The following COL25A1 variants were observed in gnomAD, a reference collection of about 807,000 sequenced individuals.
COL25A1 encodes collagen type XXV alpha 1 chain.
Under a neutral mutation model 128.4 loss-of-function variants are expected in COL25A1, and 103 were observed. The observed-to-expected ratio is 0.80, with a 90% CI of 0.68 to 0.94. The LOEUF (loss-of-function observed/expected upper bound fraction) is 0.94, where lower values mean the gene tolerates loss of function less well. Ranked by LOEUF, COL25A1 falls within the 40% of genes least tolerant of loss-of-function variation. The pLI is 0.00. For missense variants in COL25A1, 745 were observed against 840.0 expected (o/e 0.89, Z 1.40); for synonymous variants, 279 against 277.2 (o/e 1.01, Z -0.06).
intron 24 of COL25A1, among the ~76,000 whole-genome samples, chr4:108,856,030 G>A (rs1736454234): frequency 6.6e-6 from 1 of 152,186 alleles, no homozygotes; most frequent in South Asian, 2.1e-4. Context: ...CGTGAAATGG[G>A]AGGCATGAAC....
rs149621689 is a variant in COL25A1 at position 108,935,041 on chromosome 4, G to A, written c.708+2767C>T. On this transcript the variant is annotated intron_variant, in intron 11 of 37. Coordinates refer to ENST00000399132, the MANE Select transcript of COL25A1 (RefSeq NM_198721.4). ...CAGATGAGAAATTGAGAGGTTAAGT[G>A]ACTTGCCCAAGGTCAGACGGACATT... 2.2e-3 allele frequency among the ~76,000 whole-genome samples: 332 copies of A among 152,282 alleles called. 2 individuals are homozygous for A. Among genetic ancestry groups the A allele is most frequent in the African/African-American group, 7.6e-3 (317 of 41,562 alleles).
At chr4:109,174,519 T>C (rs777346832) in intron 3 of COL25A1, among the ~76,000 whole-genome samples, 13 of 152,164 alleles carry the variant, frequency 8.5e-5, no homozygotes, top group Non-Finnish European at 1.3e-4. Context: ...CTATGAAGCC[T>C]GCCTCTCACA....
intron 3 of COL25A1, among the ~76,000 whole-genome samples, chr4:109,071,477 C>T (rs983517414): frequency 3.3e-5 from 5 of 152,112 alleles, no homozygotes; most frequent in African/African-American, 1.2e-4. Context: ...AGCTTCTGCA[C>T]AGCAAAAGAA....
At chr4:108,902,543 T>C (rs1742965530) in intron 13 of COL25A1, among the ~76,000 whole-genome samples, 1 of 151,984 alleles carries the variant, frequency 6.6e-6, no homozygotes, top group African/African-American at 2.4e-5. Context: ...TAAATGACTG[T>C]CAGAATGTGT....
intron 3 of COL25A1, among the ~76,000 whole-genome samples, chr4:109,231,191 ATTAAAG>A (rs1347496653): frequency 1.3e-5 from 2 of 152,168 alleles, no homozygotes; most frequent in East Asian, 3.9e-4. Flanking sequence ...ATTTTCTTAC[ATTAAAG>A]TTAATCAATA....
chr4:108,901,253 C>T, intron 13 of COL25A1, 81 bp from the exon 14 acceptor site: 3 of 953,922 alleles, frequency 3.1e-6, no homozygotes, highest in Non-Finnish European at 5.0e-6. Flanking sequence ...AGACAGCCAT[C>T]TAATAATTCT....
chr4:108,935,206 G>A (rs1395133110), intron 11 of COL25A1, among the ~76,000 whole-genome samples: 1 of 152,112 alleles, frequency 6.6e-6, no homozygotes, highest in East Asian at 1.9e-4. Context: ...TTGAATGAAA[G>A]AAGCCAGACA....
chr4:108,838,313 C>T (rs4956063), intron 31 of COL25A1: 337,591 of 633,974 alleles, frequency 0.53, 93,238 homozygotes, highest in South Asian at 0.66. Flanking sequence ...TTGTCTTGCA[C>T]GAAACATTAA....
At chr4:109,115,093 A>C (rs1052968628) in intron 3 of COL25A1, among the ~76,000 whole-genome samples, 7 of 152,108 alleles carry the variant, frequency 4.6e-5, no homozygotes, top group Admixed American at 4.6e-4. Context: ...TTTTGGCCCA[A>C]AATCAAATTC....
chr4:108,854,885 A>G (rs1736290027), intron 24 of COL25A1, among the ~76,000 whole-genome samples: 1 of 152,026 alleles, frequency 6.6e-6, no homozygotes, highest in South Asian at 2.1e-4. Flanking sequence ...GAATTAATCT[A>G]ATTTCTTAAA....
chr4:109,085,983 G>A (rs1030279844), intron 3 of COL25A1, among the ~76,000 whole-genome samples: 2 of 152,170 alleles, frequency 1.3e-5, no homozygotes, highest in Non-Finnish European at 2.9e-5. Context: ...TGGGAGTGGA[G>A]GCTACTAAGG....
At chr4:109,073,137 ATG>A (rs1310447440) in intron 3 of COL25A1, among the ~76,000 whole-genome samples, 2 of 151,992 alleles carry the variant, frequency 1.3e-5, no homozygotes, top group African/African-American at 4.8e-5. Flanking sequence ...GTGCATGTGT[ATG>A]TGTGTGTGGG....
At chr4:109,067,398 C>G (rs541480039) in intron 3 of COL25A1, among the ~76,000 whole-genome samples, 3 of 152,134 alleles carry the variant, frequency 2.0e-5, no homozygotes, top group African/African-American at 7.2e-5. Context: ...CACTTTTAAT[C>G]TAAACACAGT....
At position 108,974,076 on chromosome 4, in the gene COL25A1, A is replaced by G. The variant is rs146450224; in HGVS notation, c.492+291T>C. ...AATTCATGCAAATCTGAAGGACTCA[A>G]TAGTCACGGGAAAGGTGGCTGCTAT... On this transcript the variant is annotated intron_variant, in intron 8 of 37. Transcript: ENST00000399132. Among the ~76,000 whole-genome samples the G allele has an allele frequency of 1.6e-3, 243 of 152,372 alleles. 1 individual carries two copies. Among genetic ancestry groups the G allele is most frequent in the African/African-American group, 5.7e-3 (236 of 41,596 alleles).
chr4:108,888,031 A>T (rs987727808), intron 18 of COL25A1, among the ~76,000 whole-genome samples: 3 of 152,312 alleles, frequency 2.0e-5, no homozygotes. Flanking sequence ...GAAATATTAT[A>T]AAATAAATAG....
In COL25A1 at chr4:109,247,456, T is replaced by C. The variant is rs546378947; in HGVS notation, c.367+53127A>G. Among the ~76,000 whole-genome samples the C allele has an allele frequency of 2.0e-5, 3 of 152,324 alleles. No individual in the cohort carries two copies. The South Asian group carries it at 6.2e-4, about 32-fold the overall frequency. ...AAGAAAAGAAGCCAGTTAATGCTTT[T>C]ATGTAGCAAAACAGCAATTAAGACC... On this transcript the variant is annotated intron_variant, in intron 3 of 37. Transcript: ENST00000399132.
chr4:109,132,700 AAG>A (rs1769337575), intron 3 of COL25A1, among the ~76,000 whole-genome samples: 1 of 152,132 alleles, frequency 6.6e-6, no homozygotes, highest in Non-Finnish European at 1.5e-5. Context: ...TCCTTTTCTG[AAG>A]GTAAGAAAGT....
chr4:109,150,951 G>A (rs1771440458), intron 3 of COL25A1, among the ~76,000 whole-genome samples: 1 of 152,002 alleles, frequency 6.6e-6, no homozygotes, highest in Non-Finnish European at 1.5e-5. Context: ...AATTACTACT[G>A]TATCTGTTTA....
At chr4:109,232,894 T>C (rs1349173161) in intron 3 of COL25A1, among the ~76,000 whole-genome samples, 1 of 152,158 alleles carries the variant, frequency 6.6e-6, no homozygotes. Flanking sequence ...AAAAAGAATG[T>C]TCTGAAAACA....
Sources: allele counts gnomAD v4.1 joint callset (sites outside exome capture counted in the v4.1 genomes callset), GRCh38; gene constraint gnomAD v4.1.1; transcripts MANE v1.5; gene names NCBI Gene and HGNC (gene_info 2026-07-23, HGNC 2026-07-21).